Variants in SSBP3 observed in about 807,000 individuals in gnomAD.
SSBP3 encodes single stranded DNA binding protein 3.
A neutral mutation model predicts 69.6 loss-of-function variants in SSBP3; 5 were observed. The ratio of observed to expected loss-of-function variants is 0.07; its 90% CI spans 0.04 to 0.15. The LOEUF (loss-of-function observed/expected upper bound fraction) is 0.15. Among genes scored for constraint, SSBP3 ranks in the 10% least tolerant of loss-of-function variants. SSBP3 has a pLI of 1.00. For synonymous variants in SSBP3, 196 were observed against 193.4 expected (o/e 1.01, Z -0.11); for missense variants, 312 against 534.0 (o/e 0.58, Z 4.10).
intron 5 of SSBP3, among the ~76,000 whole-genome samples, chr1:54,278,706 T>C (rs1352853667): frequency 2.0e-5 from 3 of 152,184 alleles, no homozygotes; most frequent in East Asian, 3.9e-4. Flanking sequence ...TAGGCCAGGG[T>C]CTGGCCATAG....
chr1:54,238,512 G>A (rs1644541909), intron 14 of SSBP3: 1 of 369,778 alleles, frequency 2.7e-6, no homozygotes, highest in South Asian at 2.1e-5. Flanking sequence ...TGAGGAGACA[G>A]GCTGCAGCTG....
At chr1:54,382,470 C>T (rs374371849) in intron 4 of SSBP3, among the ~76,000 whole-genome samples, 4 of 152,238 alleles carry the variant, frequency 2.6e-5, no homozygotes, top group South Asian at 2.1e-4. Flanking sequence ...TCTTTGCTTC[C>T]GTAGCCAAAC....
chr1:54,253,353 G>A lies in SSBP3; in HGVS notation c.508-1493C>T, dbSNP rs748134993. 4.6e-5 allele frequency among the ~76,000 whole-genome samples: 7 copies of A among 151,726 alleles called. No homozygotes were observed. The Middle Eastern group carries it at 0.01, about 221-fold the overall frequency. ...ACTACAGGCACGCGCTGTCACACCCGGCTAATTTTTAAATTTTTTGTATTG... is the reference window on the plus strand; with the variant it reads ...ACTACAGGCACGCGCTGTCACACCCAGCTAATTTTTAAATTTTTTGTATTG... On this transcript the variant is annotated intron_variant, in intron 7 of 17. Coordinates refer to ENST00000610401, the Ensembl canonical transcript of SSBP3.
intron 4 of SSBP3, among the ~76,000 whole-genome samples, chr1:54,310,359 T>C (rs966106235): frequency 1.4e-4 from 22 of 151,848 alleles, no homozygotes; most frequent in Admixed American, 2.6e-4. Flanking sequence ...TCACCTTCCA[T>C]AGAGATTTCT....
At chr1:54,230,896 C>T (rs1171892653) in intron 14 of SSBP3, among the ~76,000 whole-genome samples, 1 of 152,220 alleles carries the variant, frequency 6.6e-6, no homozygotes, top group Non-Finnish European at 1.5e-5. Context: ...TACCACATTT[C>T]ATTTATCCAT....
intron 9 of SSBP3, 146 bp from the exon 10 acceptor site, chr1:54,243,445 G>A (rs2100661944): frequency 2.1e-6 from 2 of 960,014 alleles, no homozygotes; most frequent in Non-Finnish European, 3.2e-6. Context: ...TTCAAAAACG[G>A]TGGGGCGGGT....
chr1:54,335,452 G>A (rs192009227), intron 4 of SSBP3, among the ~76,000 whole-genome samples: 3 of 152,166 alleles, frequency 2.0e-5, no homozygotes, highest in African/African-American at 7.2e-5. Context: ...TCTGGGCCCC[G>A]GCAACTGTGA....
chr1:54,346,828 A>G (rs1181177964), intron 4 of SSBP3, among the ~76,000 whole-genome samples: 1 of 151,936 alleles, frequency 6.6e-6, no homozygotes, highest in Admixed American at 6.6e-5. Context: ...GAAAAAAAAA[A>G]AAAAATAGAA....
chr1:54,246,719 C>CT lies in SSBP3; in HGVS notation c.652-3421dup, dbSNP rs200740478. ...TAGAGGCACAGACCCTGGAGAGCCA[C>CT]TTGCACCTCATCATTTCATAGATGA... On this transcript the variant is annotated intron_variant, in intron 9 of 17. Transcript: ENST00000610401. Among the ~76,000 whole-genome samples the CT allele has an allele frequency of 6.9e-4, 105 of 152,378 alleles. 2 individuals are homozygous for CT. The East Asian group carries it at 0.019, about 28-fold the overall frequency.
rs568364295 is a variant in SSBP3, at chr1:54,375,928, G to A, written c.276+25933C>T. ...CAAGGTGGTGCTGACCAGGCTCTGG[G>A]AGGAAAGGGAGGGGAAGGAGGAGAG... On this transcript the variant is annotated intron_variant, in intron 4 of 17. Coordinates refer to ENST00000610401, the Ensembl canonical transcript of SSBP3. Among the ~76,000 whole-genome samples the A allele has an allele frequency of 2.6e-5, 4 of 152,270 alleles. No individual in the cohort carries two copies. In the South Asian group the frequency reaches 8.3e-4, roughly 32 times the overall value.
chr1:54,239,418 G>A (rs189006328), intron 13 of SSBP3, among the ~76,000 whole-genome samples: 38 of 152,248 alleles, frequency 2.5e-4, no homozygotes, highest in East Asian at 9.7e-4. Context: ...GTGTGGACAC[G>A]GCACAGGGGG....
intron 9 of SSBP3, among the ~76,000 whole-genome samples, chr1:54,243,592 C>A (rs995245267): frequency 6.6e-5 from 10 of 152,306 alleles, no homozygotes; most frequent in Non-Finnish European, 1.5e-4. Flanking sequence ...CCTCTCTGGG[C>A]TCCCATGATG....
intron 5 of SSBP3, among the ~76,000 whole-genome samples, chr1:54,269,924 T>G (rs1171945986): frequency 6.6e-6 from 1 of 152,210 alleles, no homozygotes; most frequent in Non-Finnish European, 1.5e-5. Context: ...TAGCCTAGCC[T>G]AGGTCTGCCC....
chr1:54,404,952 AAG>A lies in SSBP3; in HGVS notation c.57-24_57-23del, dbSNP rs755056121. ...TAACCTGGAAAGTGGACAGGGGGCA[AAG>A]AGAGAGAGGGAAAGGCGTCAGATCC... On this transcript the variant is annotated intron_variant, in intron 1 of 17. Transcript: ENST00000610401. 8.1e-6 allele frequency: 13 copies of A among 1,607,048 alleles called. No homozygotes were observed. The East Asian group carries it at 1.8e-4, about 22-fold the overall frequency.
At chr1:54,397,365 T>C (rs987588914) in intron 4 of SSBP3, among the ~76,000 whole-genome samples, 2 of 152,102 alleles carry the variant, frequency 1.3e-5, no homozygotes, top group African/African-American at 2.4e-5. Context: ...CTCTCAAATA[T>C]CACTTTGCTA....
chr1:54,243,752 G>A (rs978637105), intron 9 of SSBP3, among the ~76,000 whole-genome samples: 5 of 152,158 alleles, frequency 3.3e-5, no homozygotes, highest in African/African-American at 7.2e-5. Context: ...AAGCCTGCCC[G>A]AGGCTGGTGC....
chr1:54,254,198 C>T (rs1220774030), intron 7 of SSBP3, among the ~76,000 whole-genome samples: 3 of 152,212 alleles, frequency 2.0e-5, no homozygotes, highest in African/African-American at 4.8e-5. Context: ...GGCTTCTGGA[C>T]GGAGGCCAGC....
exon 10 of SSBP3, chr1:54,243,254 C>A: frequency 1.2e-6 from 2 of 1,613,402 alleles, no homozygotes; most frequent in Non-Finnish European, 1.7e-6. Context: ...CCGGGCATGG[C>A]GGGGCCGAGG....
intron 5 of SSBP3, among the ~76,000 whole-genome samples, chr1:54,279,849 T>C (rs1645359084): frequency 6.6e-6 from 1 of 152,184 alleles, no homozygotes; most frequent in African/African-American, 2.4e-5. Flanking sequence ...CTTTCTTGGG[T>C]CCATGAGTTT....
Sources: allele counts gnomAD v4.1 joint callset (sites outside exome capture counted in the v4.1 genomes callset), GRCh38; gene constraint gnomAD v4.1.1; transcripts MANE v1.5; gene names NCBI Gene and HGNC (gene_info 2026-07-23, HGNC 2026-07-21).